TENM3: variants seen among roughly 807,000 people sequenced by gnomAD.
TENM3 encodes the protein teneurin transmembrane protein 3.
A neutral mutation model predicts 255.1 loss-of-function variants in TENM3; 63 were observed. That is an observed-to-expected ratio of 0.25 (90% CI 0.20 to 0.30). The LOEUF is 0.30. TENM3 is among the 10% of genes least tolerant of loss of function. The pLI is 1.00. For missense variants in TENM3, 2,929 were observed against 3,461.1 expected (o/e 0.85, Z 3.86); for synonymous variants, 1,306 against 1,322.3 (o/e 0.99, Z 0.27).
At chr4:181,662,919 A>G in the TENM3 span, among the ~76,000 whole-genome samples, 1 of 152,170 alleles carries the variant, frequency 6.6e-6, no homozygotes, top group Non-Finnish European at 1.5e-5. Flanking sequence ...GGAAATGGCC[A>G]TAGACCAATT....
At chr4:181,969,442 T>C in the TENM3 span, among the ~76,000 whole-genome samples, 2 of 152,196 alleles carry the variant, frequency 1.3e-5, no homozygotes, top group Non-Finnish European at 2.9e-5. Flanking sequence ...TGATATATAT[T>C]GAGCATAAAA....
chr4:181,551,041 G>A, the TENM3 span, among the ~76,000 whole-genome samples: 1 of 152,124 alleles, frequency 6.6e-6, no homozygotes, highest in Non-Finnish European at 1.5e-5. Context: ...ATAAAGTGAA[G>A]CACCTTGATG....
the TENM3 span, among the ~76,000 whole-genome samples, chr4:181,848,844 T>C: frequency 6.6e-6 from 1 of 151,440 alleles, no homozygotes; most frequent in African/African-American, 2.4e-5. Flanking sequence ...CAAACACGGT[T>C]TGGGGCAACT....
the TENM3 span, among the ~76,000 whole-genome samples, chr4:181,582,958 T>C: frequency 6.6e-6 from 1 of 152,178 alleles, no homozygotes; most frequent in South Asian, 2.1e-4. Context: ...AGATATGAAC[T>C]ACATTATTAT....
At chr4:182,497,524 T>C (rs2309732) in intron 3 of TENM3, among the ~76,000 whole-genome samples, 90,782 of 151,966 alleles carry the variant, frequency 0.6, 27,484 homozygotes, top group African/African-American at 0.7. Context: ...TTTACACATA[T>C]CACTTTAGTG....
At chr4:181,963,876 G>C in the TENM3 span, among the ~76,000 whole-genome samples, 1 of 152,218 alleles carries the variant, frequency 6.6e-6, no homozygotes, top group Non-Finnish European at 1.5e-5. Flanking sequence ...ATTTGGGGTA[G>C]TTAACACTAG....
chr4:182,523,209 TTGTTTTGC>T, intron 3 of TENM3, among the ~76,000 whole-genome samples: 1 of 152,054 alleles, frequency 6.6e-6, no homozygotes, highest in South Asian at 2.1e-4. Context: ...GTTGTTGTTG[TTGTTTTGC>T]TGTTGAGTAG....
the TENM3 span, among the ~76,000 whole-genome samples, chr4:181,513,793 A>G: frequency 6.6e-6 from 1 of 152,180 alleles, no homozygotes; most frequent in African/African-American, 2.4e-5. Flanking sequence ...TTGTCCCTGT[A>G]ATCGTTCCTG....
intron 3 of TENM3, among the ~76,000 whole-genome samples, chr4:182,411,694 T>C (rs1769995695): frequency 1.3e-5 from 2 of 152,174 alleles, no homozygotes; most frequent in African/African-American, 4.8e-5. Flanking sequence ...CTAAATTCAC[T>C]CTGCAAGAGG....
At chr4:181,967,832 C>G in the TENM3 span, among the ~76,000 whole-genome samples, 6 of 152,258 alleles carry the variant, frequency 3.9e-5, no homozygotes, top group Non-Finnish European at 7.4e-5. Context: ...AGTTCCACCC[C>G]CCAGGCTTAC....
the TENM3 span, among the ~76,000 whole-genome samples, chr4:182,136,195 G>C: frequency 1.3e-5 from 2 of 152,014 alleles, no homozygotes; most frequent in Admixed American, 1.3e-4. Flanking sequence ...AATGTTTTAG[G>C]GAATACCTCC....
intron 13 of TENM3, among the ~76,000 whole-genome samples, chr4:182,725,659 G>A (rs1256615017): frequency 5.9e-5 from 7 of 118,600 alleles, no homozygotes; most frequent in Non-Finnish European, 1.1e-4. Flanking sequence ...TCTTTGAGAC[G>A]GAGTCTTGCT....
At chr4:182,485,278 G>T (rs1283336423) in intron 3 of TENM3, among the ~76,000 whole-genome samples, 1 of 152,118 alleles carries the variant, frequency 6.6e-6, no homozygotes, top group Non-Finnish European at 1.5e-5. Flanking sequence ...AGTTGTAAGA[G>T]TATTAACTGG....
At chr4:181,623,803 T>C in the TENM3 span, among the ~76,000 whole-genome samples, 1 of 152,212 alleles carries the variant, frequency 6.6e-6, no homozygotes, top group Non-Finnish European at 1.5e-5. Context: ...TATAGAAATC[T>C]TCATTCAGAT....
intron 3 of TENM3, among the ~76,000 whole-genome samples, chr4:182,581,875 T>C (rs10520537): frequency 0.33 from 49,531 of 152,134 alleles, 9,645 homozygotes; most frequent in East Asian, 0.48. Context: ...TTGTCATTTT[T>C]TAAGTCATTG....
At chr4:182,549,173 C>A (rs886733091) in intron 3 of TENM3, among the ~76,000 whole-genome samples, 1 of 152,168 alleles carries the variant, frequency 6.6e-6, no homozygotes, top group African/African-American at 2.4e-5. Flanking sequence ...GGGATGTGTG[C>A]ATGTGTGCAT....
At chr4:181,461,061 C>T in the TENM3 span, among the ~76,000 whole-genome samples, 1 of 152,076 alleles carries the variant, frequency 6.6e-6, no homozygotes, top group East Asian at 1.9e-4. Flanking sequence ...ATAATGAATT[C>T]TTTCAGATTT....
At chr4:182,247,704 G>A (rs953071544) in intron 1 of TENM3, among the ~76,000 whole-genome samples, 3 of 152,170 alleles carry the variant, frequency 2.0e-5, no homozygotes, top group African/African-American at 7.2e-5. Flanking sequence ...AGTAGCAACT[G>A]GACCAAGGAT....
Position 182,346,920 on chromosome 4 carries a change from A to T in TENM3, c.502A>T (p.Ser168Cys). 1 of 1,602,970 alleles carries T rather than the reference A, an allele frequency of 6.2e-7. No homozygotes were observed. Among genetic ancestry groups the T allele is most frequent in the Non-Finnish European group, 8.5e-7 (1 of 1,172,910 alleles). Residue 168 changes from serine (S) to cysteine (C), a missense_variant, in exon 3 of 28, where the codon AGT becomes TGT. Ser to Cys is a moderately radical substitution (Grantham distance 112, BLOSUM62 -1). Transcript: ENST00000511685. Reference sequence around the variant, plus strand: ...TACGGAGCACGAAAACAAGTCCGACAGTGAGAATGGTAAGTTTCCTTTTTG... The same window carrying T: ...TACGGAGCACGAAAACAAGTCCGACTGTGAGAATGGTAAGTTTCCTTTTTG... The part of the protein sequence containing the change: ...TDTEHENKSD[S>C]ENEQPASNQG...
Sources: gnomAD v4.1 joint callset for allele counts (sites outside exome capture counted in the v4.1 genomes callset) on GRCh38, gnomAD v4.1.1 for gene constraint, MANE v1.5 for transcripts, NCBI Gene and HGNC (gene_info 2026-07-23, HGNC 2026-07-21) for gene names.